SINHCAF: variants seen among roughly 807,000 people sequenced by gnomAD.
The protein encoded by SINHCAF is SIN3-HDAC complex associated factor.
In SINHCAF, 3 loss-of-function variants were observed where a neutral mutation model predicts 25.8. That is an observed-to-expected ratio of 0.12 (90% CI 0.05 to 0.30). The LOEUF is 0.30. SINHCAF is among the 10% of genes least tolerant of loss of function. The pLI, the probability that SINHCAF is intolerant of heterozygous loss-of-function variation, is 1.00. For missense variants in SINHCAF, 121 were observed against 262.3 expected (o/e 0.46, Z 3.72); for synonymous variants, 70 against 85.5 (o/e 0.82, Z 1.00).
chr12:31,319,778 A>G (rs923055509), intron 1 of SINHCAF, among the ~76,000 whole-genome samples: 2 of 152,052 alleles, frequency 1.3e-5, no homozygotes, highest in African/African-American at 4.8e-5. Flanking sequence ...CCCTGGTCCA[A>G]TCTCTCCCCT....
chr12:31,321,762 A>G (rs1939701197), intron 1 of SINHCAF, among the ~76,000 whole-genome samples: 1 of 152,142 alleles, frequency 6.6e-6, no homozygotes, highest in African/African-American at 2.4e-5. Context: ...AAAAAACGAA[A>G]ATGACATACT....
At chr12:31,309,127 CAAAAAAAAAAAAAA>C (rs757095598) in intron 1 of SINHCAF, among the ~76,000 whole-genome samples, 1 of 75,420 alleles carries the variant, frequency 1.3e-5, no homozygotes, top group Non-Finnish European at 2.6e-5. Flanking sequence ...GATTCTGTCT[CAAAAAAAAAAAAAA>C]AAAAAAAAAG....
chr12:31,286,632 T>C (rs893428634), intron 5 of SINHCAF, among the ~76,000 whole-genome samples: 4 of 139,572 alleles, frequency 2.9e-5, no homozygotes, highest in Admixed American at 7.7e-5. Context: ...CATTGCACTA[T>C]AGCTTGGCAA....
chr12:31,317,298 A>G (rs972732302), intron 1 of SINHCAF, among the ~76,000 whole-genome samples: 2 of 152,092 alleles, frequency 1.3e-5, no homozygotes, highest in African/African-American at 4.8e-5. Flanking sequence ...GCTTCTAATT[A>G]TCATTTTTTT....
chr12:31,296,857 A>T, intron 2 of SINHCAF: 1 of 294,828 alleles, frequency 3.4e-6, no homozygotes, highest in Non-Finnish European at 6.8e-6. Context: ...CTCTGTCTCA[A>T]ACAAACCAAC....
Position 31,294,775 on chromosome 12 carries a change from A to G in SINHCAF, c.228+459T>C, listed in dbSNP as rs995469155. 2.6e-5 allele frequency among the ~76,000 whole-genome samples: 4 copies of G among 152,226 alleles called. No homozygotes were observed. The East Asian group carries it at 7.7e-4, about 29-fold the overall frequency. ...CCAGTTCTCACAATAGCTCTGTAAG[A>G]GAGCTATTATCTTTGCACTTCATGA... On this transcript the variant is annotated intron_variant, in intron 3 of 5. Coordinates refer to ENST00000337682, the MANE Select transcript of SINHCAF (RefSeq NM_001135812.2).
chr12:31,296,310 C>T (rs976584027), intron 2 of SINHCAF, among the ~76,000 whole-genome samples: 14 of 151,900 alleles, frequency 9.2e-5, no homozygotes, highest in Non-Finnish European at 2.1e-4. Context: ...GGACCACAGG[C>T]ACGTGCCACC....
At chr12:31,304,304 T>C (rs1938937702) in intron 1 of SINHCAF, 1 of 152,138 alleles carries the variant, frequency 6.6e-6, no homozygotes, top group African/African-American at 2.4e-5. Context: ...CATGGATTGG[T>C]TTTACTGCAG....
chr12:31,311,314 A>G lies in SINHCAF; in HGVS notation c.-20-13090T>C, dbSNP rs1044446233. ...GATCCAACCACACTGTGCTTTTTCTAGCTATTCCTTAGCTTAAGCAGCTGA... is the reference window on the plus strand; with the variant it reads ...GATCCAACCACACTGTGCTTTTTCTGGCTATTCCTTAGCTTAAGCAGCTGA... On this transcript the variant is annotated intron_variant, in intron 1 of 5. Coordinates refer to ENST00000337682, the MANE Select transcript of SINHCAF (RefSeq NM_001135812.2). Among the ~76,000 whole-genome samples, 3 of 152,332 alleles carry G rather than the reference A, an allele frequency of 2.0e-5. No homozygotes were observed. In the South Asian group the frequency reaches 6.2e-4, roughly 32 times the overall value.
At chr12:31,313,182 G>T (rs577148844) in intron 1 of SINHCAF, among the ~76,000 whole-genome samples, 18 of 151,888 alleles carry the variant, frequency 1.2e-4, no homozygotes, top group Admixed American at 4.6e-4. Flanking sequence ...CCGCCACCAC[G>T]CCCAGCTATT....
At chr12:31,312,922 G>C (rs1431562253) in intron 1 of SINHCAF, among the ~76,000 whole-genome samples, 1 of 152,108 alleles carries the variant, frequency 6.6e-6, no homozygotes, top group Non-Finnish European at 1.5e-5. Context: ...TCTAGAATTT[G>C]TGATATTTTT....
At chr12:31,317,150 AT>A (rs1939525642) in intron 1 of SINHCAF, among the ~76,000 whole-genome samples, 2 of 152,230 alleles carry the variant, frequency 1.3e-5, no homozygotes, top group South Asian at 4.1e-4. Context: ...ATTGAGAGCA[AT>A]AGTCAAACGT....
At chr12:31,311,867 T>C in intron 1 of SINHCAF, 1 of 490,318 alleles carries the variant, frequency 2.0e-6, no homozygotes, top group Non-Finnish European at 4.0e-6. Context: ...CTAAGTTTGA[T>C]CACTTGATGA....
chr12:31,310,075 TGTC>T (rs1309745042), intron 1 of SINHCAF, among the ~76,000 whole-genome samples: 1 of 152,136 alleles, frequency 6.6e-6, no homozygotes, highest in Non-Finnish European at 1.5e-5. Context: ...GCATTATGGA[TGTC>T]GTGGAAATTT....
intron 1 of SINHCAF, among the ~76,000 whole-genome samples, chr12:31,308,718 C>T (rs1283410380): frequency 6.6e-6 from 1 of 152,112 alleles, no homozygotes; most frequent in Non-Finnish European, 1.5e-5. Flanking sequence ...CTGTATATCC[C>T]TGTGACATCA....
chr12:31,296,963 AG>A, intron 2 of SINHCAF: 1 of 425,846 alleles, frequency 2.3e-6, no homozygotes, highest in South Asian at 1.7e-5. Context: ...TGAGCCCAAA[AG>A]TTCAAGGCTG....
chr12:31,296,205 A>G (rs1938542926), intron 2 of SINHCAF, among the ~76,000 whole-genome samples: 1 of 152,110 alleles, frequency 6.6e-6, no homozygotes, highest in Non-Finnish European at 1.5e-5. Flanking sequence ...TCACTCTGTC[A>G]CGCAGGCTGG....
intron 4 of SINHCAF, among the ~76,000 whole-genome samples, chr12:31,287,989 C>T (rs1368067738): frequency 1.3e-5 from 2 of 152,026 alleles, no homozygotes; most frequent in Non-Finnish European, 2.9e-5. Flanking sequence ...GACATACTTC[C>T]TATTCCTCCT....
At chr12:31,290,580 T>G (rs962988535) in intron 4 of SINHCAF, among the ~76,000 whole-genome samples, 1 of 152,080 alleles carries the variant, frequency 6.6e-6, no homozygotes, top group Non-Finnish European at 1.5e-5. Context: ...AAAAAATGAG[T>G]CTAGTGGGAT....
Sources: allele counts gnomAD v4.1 joint callset (sites outside exome capture counted in the v4.1 genomes callset), GRCh38; gene constraint gnomAD v4.1.1; transcripts MANE v1.5; gene names NCBI Gene and HGNC (gene_info 2026-07-23, HGNC 2026-07-21).